The following HSD17B4 variants were observed in gnomAD, a reference collection of about 807,000 sequenced individuals.
HSD17B4 encodes peroxisomal multifunctional enzyme type 2.
HSD17B4 carries 70 observed loss-of-function variants against 101.0 expected under a neutral mutation model. That is an observed-to-expected ratio of 0.69 (90% CI 0.57 to 0.85). The LOEUF (loss-of-function observed/expected upper bound fraction) is 0.85, where lower values mean the gene tolerates loss of function less well. Ranked by LOEUF, HSD17B4 falls within the 40% of genes least tolerant of loss-of-function variation. The probability of loss-of-function intolerance (pLI) is 0.00; values close to 1 mark genes in which losing one functional copy is unlikely to be tolerated. For synonymous variants in HSD17B4, 347 were observed against 297.1 expected (o/e 1.17, Z -1.73); for missense variants, 984 against 892.4 (o/e 1.10, Z -1.31).
At position 119,524,279 on chromosome 5, in the gene HSD17B4, C is replaced by T. The variant is rs529848561; in HGVS notation, c.1504-937C>T. The stretch of plus-strand genomic sequence containing the variant: ...ACAAAGCATATTAAAAAGAATGATG[C>T]TTTCTTATGAATTATAGAATATTTT... On this transcript the variant is annotated intron_variant, in intron 17 of 23. Coordinates refer to ENST00000510025, the MANE Select transcript of HSD17B4 (RefSeq NM_000414.4). 2.6e-5 allele frequency among the ~76,000 whole-genome samples: 4 copies of T among 151,794 alleles called. No individual in the cohort carries two copies. The South Asian group carries it at 6.2e-4, about 24-fold the overall frequency.
chr5:119,473,378 GCATGATCATA>G (rs2126680331), intron 2 of HSD17B4, among the ~76,000 whole-genome samples: 1 of 142,428 alleles, frequency 7.0e-6, no homozygotes, highest in African/African-American at 2.6e-5. Flanking sequence ...GAGTGCAGTG[GCATGATCATA>G]GCTCACTGCA....
rs760062936 is a variant in HSD17B4 at position 119,456,317 on chromosome 5, T to C, written c.61T>C (p.Leu21=). 1.2e-6 allele frequency: 2 copies of C among 1,609,462 alleles called. No homozygotes were observed. Among genetic ancestry groups the C allele is most frequent in the Non-Finnish European group, 1.7e-6 (2 of 1,175,658 alleles). Residue 21 remains leucine (L), a splice_region_variant and synonymous_variant, in exon 2 of 24, where the codon TTG becomes CTG. Transcript: ENST00000510025. ...VVLVTGAGAG[L]GRAYALAFAE... is the part of the protein sequence containing the mutation. ...CTGATTATTTTGTTTTTGATTAGGA[T>C]TGGGCCGAGCCTATGCCCTGGCTTT...
intron 12 of HSD17B4, among the ~76,000 whole-genome samples, chr5:119,496,876 C>CAGAGT (rs1750696220): frequency 6.6e-6 from 1 of 152,214 alleles, no homozygotes; most frequent in Non-Finnish European, 1.5e-5. Context: ...TTTCAACATA[C>CAGAGT]AGAGTATTCA....
chr5:119,514,870 A>G lies in HSD17B4; in HGVS notation c.1438-111A>G, dbSNP rs138927353. The G allele has an allele frequency of 1.7e-4, 123 of 741,214 alleles. No individual in the cohort carries two copies. The African/African-American group carries it at 1.8e-3, about 11-fold the overall frequency. The allele number at this position is 741,214 out of a possible 1,614,324, so 45.9% of individuals were successfully genotyped here. A position where few individuals can be genotyped will look rare whatever the true frequency, so the allele number is the denominator to read the frequency against. On this transcript the variant is annotated intron_variant, in intron 16 of 23. Transcript: ENST00000510025. ...GATTTTTTTTAAACCCTTTTATCCAATTTGCAGAGTTTATTGTATTGAAAC... is the reference window on the plus strand; with the variant it reads ...GATTTTTTTTAAACCCTTTTATCCAGTTTGCAGAGTTTATTGTATTGAAAC...
chr5:119,498,215 A>G (rs1286154056), intron 12 of HSD17B4, among the ~76,000 whole-genome samples: 2 of 152,188 alleles, frequency 1.3e-5, no homozygotes, highest in Non-Finnish European at 2.9e-5. Context: ...TTAAAATTCT[A>G]ATTTTAAGCC....
intron 19 of HSD17B4, among the ~76,000 whole-genome samples, chr5:119,526,465 AT>A (rs564488106): frequency 7.9e-5 from 12 of 151,982 alleles, no homozygotes; most frequent in Admixed American, 6.6e-5. Context: ...TTGATTTCAA[AT>A]TTTTATCCAT....
intron 19 of HSD17B4, among the ~76,000 whole-genome samples, chr5:119,526,739 A>G (rs191865108): frequency 3.9e-4 from 59 of 152,074 alleles, no homozygotes; most frequent in Non-Finnish European, 6.9e-4. Flanking sequence ...ATTATGAAAT[A>G]AAAAGTGGAA....
intron 6 of HSD17B4, among the ~76,000 whole-genome samples, chr5:119,476,116 C>G (rs1397177890): frequency 2.6e-5 from 4 of 152,108 alleles, no homozygotes; most frequent in Non-Finnish European, 5.9e-5. Context: ...TTTATTTCTT[C>G]AGGTTTCCCT....
chr5:119,486,857 A>G (rs1435750124), intron 8 of HSD17B4, among the ~76,000 whole-genome samples: 1 of 152,162 alleles, frequency 6.6e-6, no homozygotes, highest in Non-Finnish European at 1.5e-5. Flanking sequence ...TTTAAATTCC[A>G]ACATTTCTAT....
At chr5:119,506,767 T>G (rs774164324) in intron 14 of HSD17B4, 51 bp from the exon 15 acceptor site, 1 of 981,616 alleles carries the variant, frequency 1.0e-6, no homozygotes, top group Non-Finnish European at 1.6e-6. Context: ...CATCTTATTA[T>G]AGTAATCTTT....
At chr5:119,528,039 T>C (rs1393546441) in intron 20 of HSD17B4, among the ~76,000 whole-genome samples, 1 of 152,178 alleles carries the variant, frequency 6.6e-6, no homozygotes, top group Non-Finnish European at 1.5e-5. Flanking sequence ...ATATAGAGCA[T>C]ATTAAACAAC....
rs193197313 is a variant in HSD17B4 at position 119,508,357 on chromosome 5, G to T, written c.1334-784G>T. Among the ~76,000 whole-genome samples the T allele has an allele frequency of 2.4e-4, 36 of 152,250 alleles. No homozygotes were observed. In the South Asian group the frequency reaches 4.6e-3, roughly 19 times the overall value. Reference sequence around the variant, plus strand: ...TAGAATTTGTAGACAAAGTGAAATTGGTTATTCAGTTGCCTATGTGATAAA... The same window carrying T: ...TAGAATTTGTAGACAAAGTGAAATTTGTTATTCAGTTGCCTATGTGATAAA... On this transcript the variant is annotated intron_variant, in intron 15 of 23. Coordinates refer to ENST00000510025, the MANE Select transcript of HSD17B4 (RefSeq NM_000414.4).
At chr5:119,527,643 A>G (rs774935550) in intron 20 of HSD17B4, among the ~76,000 whole-genome samples, 20 of 152,240 alleles carry the variant, frequency 1.3e-4, no homozygotes, top group African/African-American at 4.6e-4. Context: ...GGATCTTGCA[A>G]TATGATAAAA....
At chr5:119,485,467 A>T (rs989555254) in intron 8 of HSD17B4, among the ~76,000 whole-genome samples, 4 of 152,190 alleles carry the variant, frequency 2.6e-5, no homozygotes, top group Non-Finnish European at 5.9e-5. Context: ...AGAAAGTTAT[A>T]GATCATTTTT....
chr5:119,511,534 A>T (rs1752167232), intron 16 of HSD17B4, among the ~76,000 whole-genome samples: 2 of 152,242 alleles, frequency 1.3e-5, no homozygotes, highest in African/African-American at 4.8e-5. Context: ...ACAGTAATCT[A>T]GCAATTAGTG....
At chr5:119,510,014 C>T (rs1315892617) in intron 16 of HSD17B4, among the ~76,000 whole-genome samples, 1 of 152,154 alleles carries the variant, frequency 6.6e-6, no homozygotes, top group African/African-American at 2.4e-5. Flanking sequence ...TCCCAAGCTG[C>T]ACATTGTTTA....
At chr5:119,497,995 C>T (rs1314454084) in intron 12 of HSD17B4, among the ~76,000 whole-genome samples, 1 of 152,062 alleles carries the variant, frequency 6.6e-6, no homozygotes, top group Non-Finnish European at 1.5e-5. Context: ...TATTTTAGAA[C>T]TATTTCAACA....
intron 2 of HSD17B4, among the ~76,000 whole-genome samples, chr5:119,463,125 G>T (rs1755433468): frequency 6.6e-6 from 1 of 152,008 alleles, no homozygotes; most frequent in Non-Finnish European, 1.5e-5. Flanking sequence ...TCTGTGCCTG[G>T]CTTATTTTAC....
intron 3 of HSD17B4, 61 bp downstream of exon 3, chr5:119,474,076 T>G: frequency 1.1e-6 from 1 of 935,136 alleles, no homozygotes. Context: ...TTTGTCACAT[T>G]AATAATCTTT....
Sources: allele counts gnomAD v4.1 joint callset (sites outside exome capture counted in the v4.1 genomes callset), GRCh38; gene constraint gnomAD v4.1.1; transcripts MANE v1.5; gene names NCBI Gene and HGNC (gene_info 2026-07-23, HGNC 2026-07-21).